DMRT1: variants seen among roughly 807,000 people sequenced by gnomAD.
The protein encoded by DMRT1 is doublesex- and mab-3-related transcription factor 1.
DMRT1 carries 7 observed loss-of-function variants against 32.3 expected under a neutral mutation model. That is an observed-to-expected ratio of 0.22 (90% CI 0.12 to 0.41). The LOEUF (loss-of-function observed/expected upper bound fraction) is 0.41. DMRT1 is among the 10% of genes least tolerant of loss of function. The pLI, the probability that DMRT1 is intolerant of heterozygous loss-of-function variation, is 1.00. For synonymous variants in DMRT1, 278 were observed against 206.1 expected (o/e 1.35, Z -2.99); for missense variants, 625 against 500.5 (o/e 1.25, Z -2.37).
At chr9:842,230 G>GGTTTTTTTTTTTTTTTTTTTT (rs1554739423) in intron 1 of DMRT1, 38 bp downstream of exon 1, 2 of 1,267,142 alleles carry the variant, frequency 1.6e-6, no homozygotes, top group Admixed American at 2.9e-5. Flanking sequence ...TTCAGCCTTA[G>GGTTTTTTTTTTTTTTTTTTTT]TTTTTTTTTT....
chr9:913,445 T>C (rs1818059359), intron 3 of DMRT1, among the ~76,000 whole-genome samples: 1 of 152,134 alleles, frequency 6.6e-6, no homozygotes, highest in South Asian at 2.1e-4. Flanking sequence ...GCTGCAGCAG[T>C]TGTAGATGGC....
At position 916,781 on chromosome 9, in the gene DMRT1, C is replaced by T. The variant is rs376670316; in HGVS notation, c.841C>T (p.Arg281Cys). Residue 281 changes from arginine (R) to cysteine (C), a missense_variant, in exon 4 of 5, where the codon CGC becomes TGC. By Grantham distance (180) the Arg-to-Cys change is radical. Coordinates refer to ENST00000382276, the MANE Select transcript of DMRT1 (RefSeq NM_021951.3). Reference sequence around the variant, plus strand: ...TAAGCAGATGAAGAACATGGAGAACCGCCATGCAATGAGCTCCCAGTACAG... The same window carrying T: ...TAAGCAGATGAAGAACATGGAGAACTGCCATGCAATGAGCTCCCAGTACAG... ...NQWQMKNMEN[R>C]HAMSSQYRMH... is the part of the protein sequence containing the mutation. 3.2e-5 allele frequency: 51 copies of T among 1,614,122 alleles called. No homozygotes were observed. The highest frequency in any genetic ancestry group is 5.0e-5 in the Admixed American group (3 of 60,020).
chr9:926,112 A>G (rs2129827744), intron 4 of DMRT1, among the ~76,000 whole-genome samples: 1 of 152,348 alleles, frequency 6.6e-6, no homozygotes, highest in East Asian at 1.9e-4. Context: ...TCTGTAGCAC[A>G]TTACTGTCAC....
chr9:893,962 G>T lies in DMRT1; in HGVS notation c.589G>T (p.Val197Leu). 6.2e-7 allele frequency: 1 copy of T among 1,614,192 alleles called. No homozygotes were observed. The highest frequency in any genetic ancestry group is 1.3e-5 in the African/African-American group (1 of 75,066). Residue 197 changes from valine to leucine, a missense_variant, in exon 3 of 5, where the codon GTG becomes TTG. Around this residue, in one of 3 missense-constraint regions of DMRT1, gnomAD observed 416 missense variants for 321.6 expected, o/e 1.29. Coordinates refer to ENST00000382276, the MANE Select transcript of DMRT1 (RefSeq NM_021951.3). ...DIPAVTSRGH[V>L]ENTPDLVSDS... The stretch of plus-strand genomic sequence containing the variant: ...TCCTGCTGTCACCAGCAGAGGGCAT[G>T]TGGAGAACACACCTGACCTGGTTTC...
In DMRT1 at chr9:968,353, G is replaced by C; in HGVS notation, c.*214G>C. Reference sequence around the variant, plus strand: ...TGCATGGTTTAAGTGCTTTACTCACGGAGTTTAAATAATAGTGTTCATTTT... The same window carrying C: ...TGCATGGTTTAAGTGCTTTACTCACCGAGTTTAAATAATAGTGTTCATTTT... On this transcript the variant is annotated 3_prime_UTR_variant, in exon 5 of 5. Coordinates refer to ENST00000382276, the MANE Select transcript of DMRT1 (RefSeq NM_021951.3). 1 of 558,560 alleles carries C rather than the reference G, an allele frequency of 1.8e-6. No homozygotes were observed. The highest frequency in any genetic ancestry group is 3.2e-6 in the Non-Finnish European group (1 of 315,178). The allele number at this position is 558,560 out of a possible 1,614,324, so 34.6% of individuals were successfully genotyped here.
intron 2 of DMRT1, among the ~76,000 whole-genome samples, chr9:867,108 G>A (rs369184375): frequency 6.6e-6 from 1 of 152,130 alleles, no homozygotes; most frequent in Non-Finnish European, 1.5e-5. Flanking sequence ...ATAAAAGAGG[G>A]AGAGAGATTA....
At chr9:912,214 G>C (rs1215035144) in intron 3 of DMRT1, among the ~76,000 whole-genome samples, 2 of 152,154 alleles carry the variant, frequency 1.3e-5, no homozygotes, top group Non-Finnish European at 2.9e-5. Flanking sequence ...CATATCATGA[G>C]AACAGATTGG....
rs549897095 is a variant in DMRT1, at chr9:862,211, C to T, written c.538+15068C>T. On this transcript the variant is annotated intron_variant, in intron 2 of 4. Coordinates refer to ENST00000382276, the MANE Select transcript of DMRT1 (RefSeq NM_021951.3). ...CGCCACTGCACTCCAGCCTGGGCAA[C>T]ACTGAGCACTGAGTGAGCGAGACTC... 8.8e-3 allele frequency among the ~76,000 whole-genome samples: 1,329 copies of T among 151,752 alleles called. 14 individuals are homozygous for T. The highest frequency in any genetic ancestry group is 0.03 in the African/African-American group (1,259 of 41,422).
chr9:893,132 C>G (rs1228527763), intron 2 of DMRT1, among the ~76,000 whole-genome samples: 1 of 152,266 alleles, frequency 6.6e-6, no homozygotes, highest in Admixed American at 6.5e-5. Flanking sequence ...TCCCTGTGGG[C>G]ACGGCAGCTG....
At chr9:847,787 G>C (rs1298017030) in intron 2 of DMRT1, among the ~76,000 whole-genome samples, 1 of 152,152 alleles carries the variant, frequency 6.6e-6, no homozygotes, top group Non-Finnish European at 1.5e-5. Flanking sequence ...CACAGGTCTG[G>C]AGCTGTACTG....
At chr9:933,118 G>A (rs1479551031) in intron 4 of DMRT1, among the ~76,000 whole-genome samples, 1 of 152,086 alleles carries the variant, frequency 6.6e-6, no homozygotes, top group East Asian at 1.9e-4. Context: ...TCACCATGTT[G>A]GCCAAGCTGG....
chr9:841,767 C>T lies in DMRT1; in HGVS notation c.-72C>T. 1 of 1,553,950 alleles carries T rather than the reference C, an allele frequency of 6.4e-7. No homozygotes were observed. The highest frequency in any genetic ancestry group is 8.7e-7 in the Non-Finnish European group (1 of 1,149,866). On this transcript the variant is annotated 5_prime_UTR_variant, in exon 1 of 5. Coordinates refer to ENST00000382276, the MANE Select transcript of DMRT1 (RefSeq NM_021951.3). The stretch of plus-strand genomic sequence containing the variant: ...CCTCCTCCGGAGCGTCGCTGTCCGT[C>T]GGGTTCATCCCTCGCAGCAGTCTCC...
chr9:915,502 C>G (rs995842584), intron 3 of DMRT1, among the ~76,000 whole-genome samples: 2 of 151,926 alleles, frequency 1.3e-5, no homozygotes, highest in African/African-American at 4.8e-5. Flanking sequence ...ATGCAGCTGC[C>G]ACTGGAGGGG....
chr9:940,762 G>A (rs1051499868), intron 4 of DMRT1, among the ~76,000 whole-genome samples: 1 of 152,134 alleles, frequency 6.6e-6, no homozygotes. Flanking sequence ...ACAACCTTCA[G>A]AATGGGAGAA....
At chr9:878,208 C>CCG (rs1554749506) in intron 2 of DMRT1, among the ~76,000 whole-genome samples, 5 of 124,788 alleles carry the variant, frequency 4.0e-5, no homozygotes, top group African/African-American at 1.2e-4. Context: ...CTGCCCCCCC[C>CCG]CCACCCAATA....
intron 4 of DMRT1, among the ~76,000 whole-genome samples, chr9:932,923 T>A (rs1006596288): frequency 3.3e-5 from 5 of 152,124 alleles, no homozygotes; most frequent in Non-Finnish European, 5.9e-5. Context: ...GCTTTCTTTT[T>A]TTTTTTTGAG....
intron 3 of DMRT1, among the ~76,000 whole-genome samples, chr9:897,090 A>ATATTAT (rs35331172): frequency 0.034 from 4,857 of 141,112 alleles, 105 homozygotes; most frequent in African/African-American, 0.059. Flanking sequence ...TTTTGGAATC[A>ATATTAT]TATTATTATT....
At chr9:879,486 GT>G (rs1236339350) in intron 2 of DMRT1, among the ~76,000 whole-genome samples, 1 of 152,144 alleles carries the variant, frequency 6.6e-6, no homozygotes, top group Non-Finnish European at 1.5e-5. Flanking sequence ...GCTGCTTCAG[GT>G]AGGCTGTTGT....
chr9:887,425 C>T (rs1816974631), intron 2 of DMRT1, among the ~76,000 whole-genome samples: 1 of 152,174 alleles, frequency 6.6e-6, no homozygotes, highest in South Asian at 2.1e-4. Context: ...TCTGCTACTC[C>T]CTTGCTCTGA....
Sources: gnomAD v4.1 joint callset for allele counts (sites outside exome capture counted in the v4.1 genomes callset) on GRCh38, gnomAD v4.1.1 for gene constraint, gnomAD v4.1.1 regional missense constraint, MANE v1.5 for transcripts, NCBI Gene and HGNC (gene_info 2026-07-23, HGNC 2026-07-21) for gene names.